The following TAF3 variants were observed in gnomAD, a reference collection of about 807,000 sequenced individuals.
TAF3 encodes TATA-box binding protein associated factor 3, also known as transcription initiation factor TFIID subunit 3.
In TAF3, 7 loss-of-function variants were observed where a neutral mutation model predicts 80.6. The ratio of observed to expected loss-of-function variants is 0.09; its 90% CI spans 0.05 to 0.16. TAF3 has a LOEUF of 0.16. Among genes scored for constraint, TAF3 ranks in the 10% least tolerant of loss-of-function variants. The probability of loss-of-function intolerance (pLI) is 1.00; values close to 1 mark genes in which losing one functional copy is unlikely to be tolerated. For missense variants in TAF3, 921 were observed against 1,140.2 expected, an observed-to-expected ratio of 0.81 and a Z score of 2.77; for synonymous variants, 444 against 446.1, an observed-to-expected ratio of 1.00 and a Z score of 0.06.
chr10:7,961,144 A>G (rs1211403296), intron 2 of TAF3, among the ~76,000 whole-genome samples: 1 of 152,194 alleles, frequency 6.6e-6, no homozygotes, highest in African/African-American at 2.4e-5. Flanking sequence ...GAATATTGAT[A>G]TTAACAAGAC....
intron 2 of TAF3, among the ~76,000 whole-genome samples, chr10:7,876,410 G>A (rs1464432080): frequency 6.6e-6 from 1 of 152,148 alleles, no homozygotes; most frequent in Non-Finnish European, 1.5e-5. Flanking sequence ...TCAATGAAAT[G>A]GGCCATAAGC....
At chr10:7,855,479 C>T (rs955906751) in intron 2 of TAF3, among the ~76,000 whole-genome samples, 18 of 152,184 alleles carry the variant, frequency 1.2e-4, no homozygotes, top group African/African-American at 4.1e-4. Flanking sequence ...ATGCTGGCAG[C>T]CATTTCTTCA....
chr10:7,946,728 G>GA (rs1310944913), intron 2 of TAF3, among the ~76,000 whole-genome samples: 4 of 32,928 alleles, frequency 1.2e-4, no homozygotes, highest in South Asian at 1.2e-3. Context: ...GGTCTCAAAC[G>GA]AAAAAAAAAG....
At chr10:7,924,635 G>T (rs962858394) in intron 2 of TAF3, among the ~76,000 whole-genome samples, 1 of 152,088 alleles carries the variant, frequency 6.6e-6, no homozygotes, top group South Asian at 2.1e-4. Flanking sequence ...TCCTGTGAGT[G>T]AACAAATATC....
At chr10:7,893,415 C>G (rs1588541699) in intron 2 of TAF3, among the ~76,000 whole-genome samples, 1 of 152,186 alleles carries the variant, frequency 6.6e-6, no homozygotes, top group African/African-American at 2.4e-5. Context: ...AGAGAAGAAG[C>G]AGGGAGGAGC....
At chr10:7,896,038 A>G (rs1358736530) in intron 2 of TAF3, among the ~76,000 whole-genome samples, 2 of 152,150 alleles carry the variant, frequency 1.3e-5, no homozygotes, top group African/African-American at 4.8e-5. Context: ...GGAATAGGAG[A>G]ATTCAGAGAA....
At chr10:7,828,538 C>A (rs1012938449) in intron 2 of TAF3, among the ~76,000 whole-genome samples, 5 of 152,120 alleles carry the variant, frequency 3.3e-5, no homozygotes, top group Non-Finnish European at 5.9e-5. Context: ...AACATTCTCT[C>A]CCCAGCTTGC....
intron 2 of TAF3, among the ~76,000 whole-genome samples, chr10:7,932,373 G>A (rs1008509762): frequency 6.6e-6 from 1 of 152,194 alleles, no homozygotes; most frequent in African/African-American, 2.4e-5. Context: ...CAACTAGCTA[G>A]TGTTCCAGCA....
intron 2 of TAF3, among the ~76,000 whole-genome samples, chr10:7,936,147 A>C (rs1219363239): frequency 6.6e-6 from 1 of 152,212 alleles, no homozygotes; most frequent in Non-Finnish European, 1.5e-5. Context: ...ACAACAAGGA[A>C]GACGGGCCCT....
chr10:7,972,849 G>A (rs1225535940), intron 3 of TAF3, among the ~76,000 whole-genome samples: 1 of 152,150 alleles, frequency 6.6e-6, no homozygotes, highest in African/African-American at 2.4e-5. Context: ...AAACTAGTTA[G>A]CCTCCCATGG....
intron 2 of TAF3, among the ~76,000 whole-genome samples, chr10:7,876,973 G>C (rs146342675): frequency 6.7e-6 from 1 of 149,594 alleles, no homozygotes; most frequent in South Asian, 2.1e-4. Context: ...CTGATTTTCA[G>C]ATCTCTCTTT....
chr10:7,859,744 G>A (rs1837124843), intron 2 of TAF3, among the ~76,000 whole-genome samples: 1 of 152,184 alleles, frequency 6.6e-6, no homozygotes, highest in South Asian at 2.1e-4. Flanking sequence ...CTACTAGAAT[G>A]TAATCCATGA....
At chr10:7,839,859 T>A (rs887248767) in intron 2 of TAF3, among the ~76,000 whole-genome samples, 1 of 152,202 alleles carries the variant, frequency 6.6e-6, no homozygotes, top group African/African-American at 2.4e-5. Context: ...CCAGCAAGAT[T>A]TAGCGCCTCA....
At chr10:7,917,520 G>A (rs934144404) in intron 2 of TAF3, among the ~76,000 whole-genome samples, 3 of 152,226 alleles carry the variant, frequency 2.0e-5, no homozygotes, top group African/African-American at 7.2e-5. Flanking sequence ...GGCCTTATAG[G>A]CCATGATATG....
chr10:7,840,444 GC>G (rs1335684199), intron 2 of TAF3, among the ~76,000 whole-genome samples: 38 of 150,930 alleles, frequency 2.5e-4, no homozygotes, highest in Admixed American at 2.5e-3. Flanking sequence ...GAGCCACCGC[GC>G]CCGGCCTGGA....
At chr10:8,003,414 T>C (rs975533684) in intron 4 of TAF3, among the ~76,000 whole-genome samples, 3 of 152,238 alleles carry the variant, frequency 2.0e-5, no homozygotes, top group Admixed American at 6.5e-5. Context: ...TATCATTATG[T>C]TGTGTAATGA....
At chr10:7,913,509 C>T (rs571992798) in intron 2 of TAF3, among the ~76,000 whole-genome samples, 1 of 152,286 alleles carries the variant, frequency 6.6e-6, no homozygotes, top group Non-Finnish European at 1.5e-5. Context: ...ATTTATTATG[C>T]CACAGTATTT....
intron 2 of TAF3, among the ~76,000 whole-genome samples, chr10:7,836,592 C>A (rs1011744955): frequency 3.9e-5 from 6 of 152,056 alleles, no homozygotes; most frequent in African/African-American, 1.2e-4. Flanking sequence ...CATTTTCTTA[C>A]CACGAATACA....
At chr10:7,891,948 A>G (rs1168302905) in intron 2 of TAF3, among the ~76,000 whole-genome samples, 4 of 152,248 alleles carry the variant, frequency 2.6e-5, no homozygotes, top group Non-Finnish European at 4.4e-5. Context: ...ATAGTATTAC[A>G]ATATGTATAT....
Sources: gnomAD v4.1 joint callset for allele counts (sites outside exome capture counted in the v4.1 genomes callset) on GRCh38, gnomAD v4.1.1 for gene constraint, MANE v1.5 for transcripts, NCBI Gene and HGNC (gene_info 2026-07-23, HGNC 2026-07-21) for gene names.